The following IL10RA variants were observed in gnomAD, a reference collection of about 807,000 sequenced individuals.
IL10RA encodes interleukin 10 receptor subunit alpha.
A neutral mutation model predicts 29.6 loss-of-function variants in IL10RA; 18 were observed. That is an observed-to-expected ratio of 0.61 (90% CI 0.42 to 0.90). IL10RA has a LOEUF of 0.90. IL10RA is among the 40% of genes least tolerant of loss of function. The pLI, the probability that IL10RA is intolerant of heterozygous loss-of-function variation, is 0.00. For synonymous variants in IL10RA, 292 were observed against 294.1 expected (o/e 0.99, Z 0.07); for missense variants, 634 against 716.6 (o/e 0.88, Z 1.32).
chr11:117,998,611 C>G (rs924051160), intron 6 of IL10RA, 104 bp from the exon 7 acceptor site: 84 of 905,282 alleles, frequency 9.3e-5, no homozygotes, highest in Non-Finnish European at 1.5e-4. Context: ...AGACTGTAGT[C>G]TCCTCCATCG....
Position 117,999,870 on chromosome 11 carries a change from G to A in IL10RA, c.*229G>A, listed in dbSNP as rs2058083647. ...TATGTGGGTGGCACTGACCTGTTCTGTTGACTGGGGCCCTGCAGACTCTGG... is the reference window on the plus strand; with the variant it reads ...TATGTGGGTGGCACTGACCTGTTCTATTGACTGGGGCCCTGCAGACTCTGG... On this transcript the variant is annotated 3_prime_UTR_variant, in exon 7 of 7. Coordinates refer to ENST00000227752, the MANE Select transcript of IL10RA (RefSeq NM_001558.4). 1.5e-6 allele frequency: 1 copy of A among 682,502 alleles called. No homozygotes were observed. The highest frequency in any genetic ancestry group is 1.8e-5 in the African/African-American group (1 of 56,866). 42.3% of individuals were successfully genotyped at this position (682,502 alleles called of 1,614,324 possible). A position where few individuals can be genotyped will look rare whatever the true frequency, so the allele number is the denominator to read the frequency against.
At position 117,995,492 on chromosome 11, in the gene IL10RA, G is replaced by A. The variant is rs866783347; in HGVS notation, c.689-97G>A. On this transcript the variant is annotated intron_variant, in intron 5 of 6. Coordinates refer to ENST00000227752, the MANE Select transcript of IL10RA (RefSeq NM_001558.4). Reference sequence around the variant, plus strand: ...TTGGGCCACTCACTGAATGGTTCCTGACAGTGGGCAATGGATTTCATGGGA... The same window carrying A: ...TTGGGCCACTCACTGAATGGTTCCTAACAGTGGGCAATGGATTTCATGGGA... 11 of 1,524,308 alleles carry A rather than the reference G, an allele frequency of 7.2e-6. No individual in the cohort carries two copies. In the Middle Eastern group the frequency reaches 5.1e-4, roughly 71 times the overall value. 94.4% of individuals were successfully genotyped at this position (1,524,308 alleles called of 1,614,324 possible). A position where few individuals can be genotyped will look rare whatever the true frequency, so the allele number is the denominator to read the frequency against.
intron 4 of IL10RA, among the ~76,000 whole-genome samples, chr11:117,993,626 G>T (rs760221362): frequency 6.6e-6 from 1 of 152,184 alleles, no homozygotes; most frequent in Non-Finnish European, 1.5e-5. Context: ...TAGGGCAATT[G>T]GGCACCCCAG....
chr11:118,000,796 AC>A lies in IL10RA; in HGVS notation c.*1157del, dbSNP rs1425842916. 1 of 454,284 alleles carries A rather than the reference AC, an allele frequency of 2.2e-6. No homozygotes were observed. The allele number at this position is 454,284 out of a possible 1,614,324, so 28.1% of individuals were successfully genotyped here. A position where few individuals can be genotyped will look rare whatever the true frequency, so the allele number is the denominator to read the frequency against. ...AGAATGCAGATACTGTCCGTGGACT[AC>A]CAAGCTGGCTTGTTTCTTATGCCAG... is the stretch of plus-strand genomic sequence containing the variant. On this transcript the variant is annotated 3_prime_UTR_variant, in exon 7 of 7. Coordinates refer to ENST00000227752, the MANE Select transcript of IL10RA (RefSeq NM_001558.4).
chr11:118,002,628 G>A (rs1649979340), downstream of IL10RA: 1 of 152,296 alleles, frequency 6.6e-6, no homozygotes, highest in African/African-American at 2.4e-5. Flanking sequence ...TCAAAGAGCA[G>A]CTTGCAGGAC....
chr11:117,998,772 C>G lies in IL10RA; in HGVS notation c.868C>G (p.Gln290Glu). 6.2e-7 allele frequency: 1 copy of G among 1,614,158 alleles called. No homozygotes were observed. ...FISQRPSPET[Q>E]DTIHPLDEEA... ...CAGCCAGCGTCCCTCCCCAGAGACC[C>G]AAGACACCATCCACCCGCTTGATGA... Residue 290 changes from glutamine to glutamate, a missense_variant, in exon 7 of 7, where the codon CAA becomes GAA. By Grantham distance (29) the Gln-to-Glu change is conservative. Transcript: ENST00000227752.
chr11:117,990,334 T>C (rs1423535587), intron 3 of IL10RA, among the ~76,000 whole-genome samples: 1 of 144,288 alleles, frequency 6.9e-6, no homozygotes, highest in Admixed American at 7.1e-5. Flanking sequence ...GTGTCTTGAA[T>C]GGGCCCAGGG....
chr11:117,991,866 C>A (rs1248757531), intron 3 of IL10RA, among the ~76,000 whole-genome samples: 1 of 152,124 alleles, frequency 6.6e-6, no homozygotes, highest in Non-Finnish European at 1.5e-5. Context: ...TCCTTAGTAG[C>A]TGGGATTACA....
Position 117,999,735 on chromosome 11 carries a change from A to G in IL10RA, c.*94A>G. The G allele has an allele frequency of 8.5e-7, 1 of 1,171,726 alleles. No individual in the cohort carries two copies. Among genetic ancestry groups the G allele is most frequent in the Non-Finnish European group, 1.3e-6 (1 of 796,602 alleles). The allele number at this position is 1,171,726 out of a possible 1,614,324, so 72.6% of individuals were successfully genotyped here. On this transcript the variant is annotated 3_prime_UTR_variant, in exon 7 of 7. Transcript: ENST00000227752. ...CTGGGGCAGAAGTTAGGCACGAGGC[A>G]GTCTGGGCACTTTTCTGCAAGTCCA...
In IL10RA at chr11:118,000,280, C is replaced by T. The variant is rs562410825; in HGVS notation, c.*639C>T. ...TTCACTGAGGGGAGACAAAGGGAGC[C>T]GAGACCCTGGATGGGGCTTCCAGCT... On this transcript the variant is annotated 3_prime_UTR_variant, in exon 7 of 7. Transcript: ENST00000227752. 69 of 454,178 alleles carry T rather than the reference C, an allele frequency of 1.5e-4. No individual in the cohort carries two copies. Among genetic ancestry groups the T allele is most frequent in the East Asian group, 2.8e-4 (4 of 14,518 alleles). 28.1% of individuals were successfully genotyped at this position (454,178 alleles called of 1,614,324 possible). A position where few individuals can be genotyped will look rare whatever the true frequency, so the allele number is the denominator to read the frequency against.
chr11:118,001,343 G>A lies in IL10RA; in HGVS notation c.*1702G>A. On this transcript the variant is annotated 3_prime_UTR_variant, in exon 7 of 7. Coordinates refer to ENST00000227752, the MANE Select transcript of IL10RA (RefSeq NM_001558.4). Reference sequence around the variant, plus strand: ...TCTTGGAGCCTCAGTTTCCTCATCTGCAGAATAATGACTGACTTGTCTAAT... The same window carrying A: ...TCTTGGAGCCTCAGTTTCCTCATCTACAGAATAATGACTGACTTGTCTAAT... 2.2e-6 allele frequency: 1 copy of A among 454,192 alleles called. No homozygotes were observed. Among genetic ancestry groups the A allele is most frequent in the Non-Finnish European group, 4.4e-6 (1 of 226,812 alleles). The allele number at this position is 454,192 out of a possible 1,614,324, so 28.1% of individuals were successfully genotyped here. A position where few individuals can be genotyped will look rare whatever the true frequency, so the allele number is the denominator to read the frequency against.
In IL10RA at chr11:117,986,551, C is replaced by A; in HGVS notation, c.67+17C>A. The A allele has an allele frequency of 6.4e-7, 1 of 1,551,558 alleles. No homozygotes were observed. The highest frequency in any genetic ancestry group is 2.4e-5 in the East Asian group (1 of 41,012). On this transcript the variant is annotated intron_variant, in intron 1 of 6. Transcript: ENST00000227752. ...ACGCTCATGGTAAGGCTCCGGGACG[C>A]GGCCCTTCCCTGCCCTGCCCTCTCC...
Position 118,000,954 on chromosome 11 carries a change from G to A in IL10RA, c.*1313G>A, listed in dbSNP as rs1413902259. ...TCTGCCTTCAAACAAAGGCAGTTCA[G>A]TCCACAGGCATGGAAGCTGTGAGGG... On this transcript the variant is annotated 3_prime_UTR_variant, in exon 7 of 7. Transcript: ENST00000227752. 2.2e-6 allele frequency: 1 copy of A among 454,188 alleles called. No individual in the cohort carries two copies. Among genetic ancestry groups the A allele is most frequent in the Admixed American group, 2.3e-5 (1 of 42,582 alleles). 28.1% of individuals were successfully genotyped at this position (454,188 alleles called of 1,614,324 possible). A position where few individuals can be genotyped will look rare whatever the true frequency, so the allele number is the denominator to read the frequency against.
In IL10RA at chr11:117,999,849, TGGG is replaced by T; in HGVS notation, c.*209_*211del. On this transcript the variant is annotated 3_prime_UTR_variant, in exon 7 of 7. Transcript: ENST00000227752. ...ACTCACTGAACTAGTGCAGGGTATG[TGGG>T]TGGCACTGACCTGTTCTGTTGACTG... 5.8e-6 allele frequency: 4 copies of T among 693,194 alleles called. No individual in the cohort carries two copies. The highest frequency in any genetic ancestry group is 3.7e-4 in the Middle Eastern group (1 of 2,714). The allele number at this position is 693,194 out of a possible 1,614,324, so 42.9% of individuals were successfully genotyped here.
chr11:118,002,765 G>C (rs1007436677), downstream of IL10RA: 6 of 152,164 alleles, frequency 3.9e-5, no homozygotes, highest in Admixed American at 1.3e-4. Flanking sequence ...CCACAGACAG[G>C]CCCTTGGGAG....
intron 6 of IL10RA, among the ~76,000 whole-genome samples, chr11:117,998,252 G>A (rs938349655): frequency 4.6e-5 from 7 of 152,210 alleles, no homozygotes; most frequent in African/African-American, 1.2e-4. Flanking sequence ...CAGAAATATC[G>A]TGGCACAGCT....
chr11:117,993,409 C>T lies in IL10RA; in HGVS notation c.536C>T (p.Thr179Met), dbSNP rs564148493. The T allele has an allele frequency of 7.6e-5, 122 of 1,613,716 alleles. 1 individual carries two copies. Among genetic ancestry groups the T allele is most frequent in the South Asian group, 1.6e-4 (15 of 91,086 alleles). Reference sequence around the variant, plus strand: ...ATTCGCAAGGTGCCGGGAAACTTCACGGTATGGGGTTCCCCAAGGCCCCAG... The same window carrying T: ...ATTCGCAAGGTGCCGGGAAACTTCATGGTATGGGGTTCCCCAAGGCCCCAG... ...IAIRKVPGNF[T>M]FTHKKVKHEN... The change falls in exon 4 of 7, where the codon ACG becomes ATG. Residue 179 changes from threonine (T) to methionine (M), a missense_variant and splice_region_variant. Thr to Met is a moderately conservative substitution (Grantham distance 81). Transcript: ENST00000227752.
In IL10RA at chr11:117,993,927, G is replaced by A. The variant is rs555175758; in HGVS notation, c.538-72G>A. ...GGGTTGGCTGAAATCACCTCTAAAG[G>A]CCCACCAGCTCTCAGTGTCCGTGTG... On this transcript the variant is annotated intron_variant, in intron 4 of 6. Coordinates refer to ENST00000227752, the MANE Select transcript of IL10RA (RefSeq NM_001558.4). 92 of 1,389,676 alleles carry A rather than the reference G, an allele frequency of 6.6e-5. No homozygotes were observed. The African/African-American group carries it at 1.3e-3, about 19-fold the overall frequency. The allele number at this position is 1,389,676 out of a possible 1,614,324, so 86.1% of individuals were successfully genotyped here. A position where few individuals can be genotyped will look rare whatever the true frequency, so the allele number is the denominator to read the frequency against.
intron 6 of IL10RA, among the ~76,000 whole-genome samples, chr11:117,997,502 A>G (rs973999792): frequency 3.3e-5 from 5 of 152,200 alleles, no homozygotes; most frequent in Non-Finnish European, 7.4e-5. Context: ...AAGCAATGTG[A>G]TAGGAATAGG....
Sources: allele counts gnomAD v4.1 joint callset (sites outside exome capture counted in the v4.1 genomes callset), GRCh38; gene constraint gnomAD v4.1.1; transcripts MANE v1.5; gene names NCBI Gene and HGNC (gene_info 2026-07-23, HGNC 2026-07-21).